CCDC85C: variants seen among roughly 807,000 people sequenced by gnomAD.
The protein encoded by CCDC85C is coiled-coil domain-containing protein 85C.
CCDC85C carries 18 observed loss-of-function variants against 38.3 expected under a neutral mutation model. The observed-to-expected ratio is 0.47, with a 90% CI of 0.33 to 0.70. The LOEUF (loss-of-function observed/expected upper bound fraction) is 0.70, where lower values mean the gene tolerates loss of function less well. Among genes scored for constraint, CCDC85C ranks in the 30% least tolerant of loss-of-function variants. CCDC85C has a pLI of 0.03. For synonymous variants in CCDC85C, 264 were observed against 293.8 expected, an observed-to-expected ratio of 0.90 and a Z score of 1.04; for missense variants, 566 against 621.2, an observed-to-expected ratio of 0.91 and a Z score of 0.94.
intron 1 of CCDC85C, among the ~76,000 whole-genome samples, chr14:99,602,245 G>A (rs1463266567): frequency 2.0e-5 from 3 of 152,178 alleles, no homozygotes; most frequent in Non-Finnish European, 4.4e-5. Context: ...GGCTGGGAGA[G>A]GGAGCAGGCT....
At chr14:99,587,233 C>T (rs1049200639) in intron 1 of CCDC85C, among the ~76,000 whole-genome samples, 10 of 152,346 alleles carry the variant, frequency 6.6e-5, no homozygotes, top group East Asian at 3.9e-4. Flanking sequence ...GCCCCTGCCT[C>T]GGGAGAATCC....
chr14:99,537,842 G>A (rs970582428), intron 1 of CCDC85C, among the ~76,000 whole-genome samples: 9 of 152,182 alleles, frequency 5.9e-5, no homozygotes, highest in Admixed American at 1.3e-4. Flanking sequence ...ATGGGAAGAG[G>A]CCTCAGCATT....
chr14:99,509,671 CG>C lies in CCDC85C; in HGVS notation c.*5574del, dbSNP rs2139885815. ...TGAATTGCTGCTTCGATGGGTACAC[CG>C]GGAATGTCAGAGACTTGTACAGAAT... On this transcript the variant is annotated 3_prime_UTR_variant, in exon 6 of 6. Coordinates refer to ENST00000380243, the MANE Select transcript of CCDC85C (RefSeq NM_001144995.2). 1 of 171,626 alleles carries C rather than the reference CG, an allele frequency of 5.8e-6. No homozygotes were observed. Among genetic ancestry groups the C allele is most frequent in the African/African-American group, 2.4e-5 (1 of 41,638 alleles). 10.6% of individuals were successfully genotyped at this position (171,626 alleles called of 1,614,324 possible). A position where few individuals can be genotyped will look rare whatever the true frequency, so the allele number is the denominator to read the frequency against.
chr14:99,529,009 GA>G (rs982447254), intron 2 of CCDC85C, among the ~76,000 whole-genome samples: 1 of 150,992 alleles, frequency 6.6e-6, no homozygotes, highest in Non-Finnish European at 1.5e-5. Flanking sequence ...AGTTGATAGG[GA>G]AAAAAAAGGA....
intron 1 of CCDC85C, among the ~76,000 whole-genome samples, chr14:99,580,319 C>T (rs535008175): frequency 1.8e-3 from 268 of 151,724 alleles, no homozygotes; most frequent in African/African-American, 6.3e-3. Flanking sequence ...TTAACACAGC[C>T]CAGCCCAGAC....
chr14:99,515,664 T>A (rs1035362032), intron 5 of CCDC85C, among the ~76,000 whole-genome samples: 2 of 152,186 alleles, frequency 1.3e-5, no homozygotes, highest in African/African-American at 4.8e-5. Context: ...TCAGACCCTA[T>A]GAAACTCCTT....
rs1897198972 is a variant in CCDC85C, at chr14:99,515,029, CGTCTTCCCAGGTTGCT to C, written c.*201_*216del. The C allele has an allele frequency of 1.9e-6, 1 of 515,822 alleles. No individual in the cohort carries two copies. The highest frequency in any genetic ancestry group is 3.5e-6 in the Non-Finnish European group (1 of 285,116). The allele number at this position is 515,822 out of a possible 1,614,324, so 32.0% of individuals were successfully genotyped here. A position where few individuals can be genotyped will look rare whatever the true frequency, so the allele number is the denominator to read the frequency against. ...TGCTGCAGGAACAGTCGCAGCGTCT[CGTCTTCCCAGGTTGCT>C]GGTGTATGAGGCGGGAGATGGCGGC... On this transcript the variant is annotated 3_prime_UTR_variant, in exon 6 of 6. Transcript: ENST00000380243.
In CCDC85C at chr14:99,544,295, C is replaced by CG; in HGVS notation, c.794-8208dup. 6.6e-6 allele frequency among the ~76,000 whole-genome samples: 1 copy of CG among 152,244 alleles called. No individual in the cohort carries two copies. Among genetic ancestry groups the CG allele is most frequent in the South Asian group, 2.1e-4 (1 of 4,822 alleles). On this transcript the variant is annotated intron_variant, in intron 1 of 5. Transcript: ENST00000380243. This position sits in a 1 kb window ranked among gnomAD's most constrained non-coding sequence, Gnocchi z 5.3. ...TAACTCGCAGCTTCCACACCAACCC[C>CG]GGGGTTCTGGCGCACTGACCCTGGG...
At chr14:99,561,289 C>T (rs1228485721) in intron 1 of CCDC85C, among the ~76,000 whole-genome samples, 2 of 152,218 alleles carry the variant, frequency 1.3e-5, no homozygotes, top group African/African-American at 4.8e-5. Flanking sequence ...TCCAGGAACA[C>T]AGGCCTTAGG....
intron 1 of CCDC85C, among the ~76,000 whole-genome samples, chr14:99,546,981 C>A (rs1166970952): frequency 6.6e-6 from 1 of 152,092 alleles, no homozygotes; most frequent in Non-Finnish European, 1.5e-5. Flanking sequence ...CCAGCCTGAG[C>A]AACATAGCGA....
chr14:99,533,064 G>A lies in CCDC85C; in HGVS notation c.867+2951C>T, dbSNP rs905816964. 1.3e-5 allele frequency among the ~76,000 whole-genome samples: 2 copies of A among 152,190 alleles called. No individual in the cohort carries two copies. The highest frequency in any genetic ancestry group is 2.9e-5 in the Non-Finnish European group (2 of 68,038). On this transcript the variant is annotated intron_variant, in intron 2 of 5. Transcript: ENST00000380243. The surrounding 1 kb of genome is among the most constrained non-coding windows in gnomAD (Gnocchi z 4.2). ...CCCAAAGTGCTGGGGTTACAGGTGT[G>A]AGCCACCACACCCAGCCGTGGCTCC...
rs1419812250 is a variant in CCDC85C, at chr14:99,576,059, C to T, written c.793+27108G>A. Among the ~76,000 whole-genome samples the T allele has an allele frequency of 6.6e-6, 1 of 152,242 alleles. No homozygotes were observed. Among genetic ancestry groups the T allele is most frequent in the Non-Finnish European group, 1.5e-5 (1 of 68,042 alleles). On this transcript the variant is annotated intron_variant, in intron 1 of 5. Coordinates refer to ENST00000380243, the MANE Select transcript of CCDC85C (RefSeq NM_001144995.2). The surrounding 1 kb of genome is among the most constrained non-coding windows in gnomAD (Gnocchi z 4.8). Reference sequence around the variant, plus strand: ...ACCACCCCACTCCTCCAAACCTCACCGATCTGTGCCCGTCTAATGAGGGTG... The same window carrying T: ...ACCACCCCACTCCTCCAAACCTCACTGATCTGTGCCCGTCTAATGAGGGTG...
intron 2 of CCDC85C, among the ~76,000 whole-genome samples, chr14:99,527,218 T>C (rs8007777): frequency 0.74 from 112,224 of 152,130 alleles, 41,543 homozygotes; most frequent in African/African-American, 0.81. Flanking sequence ...CACTGTGTAA[T>C]GACGTTGTTG....
At chr14:99,589,990 T>A (rs1229917613) in intron 1 of CCDC85C, among the ~76,000 whole-genome samples, 1 of 152,208 alleles carries the variant, frequency 6.6e-6, no homozygotes, top group African/African-American at 2.4e-5. Context: ...GAGGTTGGGT[T>A]GCACCAAACA....
chr14:99,573,061 G>A (rs142270854), intron 1 of CCDC85C: 70 of 328,698 alleles, frequency 2.1e-4, no homozygotes, highest in African/African-American at 1.2e-3. Context: ...AAAATGAGAG[G>A]GGACAAGTGA....
At chr14:99,528,619 GC>G (rs1897434519) in intron 2 of CCDC85C, among the ~76,000 whole-genome samples, 1 of 152,200 alleles carries the variant, frequency 6.6e-6, no homozygotes, top group Non-Finnish European at 1.5e-5. Context: ...GGGATGGGGT[GC>G]CCCGGCCTAG....
intron 1 of CCDC85C, among the ~76,000 whole-genome samples, chr14:99,587,907 A>G (rs2055044342): frequency 6.6e-6 from 1 of 152,114 alleles, no homozygotes; most frequent in Non-Finnish European, 1.5e-5. Flanking sequence ...CTGCCATACA[A>G]ATAACAGAGC....
chr14:99,546,460 G>C (rs966624090), intron 1 of CCDC85C, among the ~76,000 whole-genome samples: 3 of 152,112 alleles, frequency 2.0e-5, no homozygotes, highest in Non-Finnish European at 4.4e-5. Flanking sequence ...TCTGCGGTGA[G>C]AGCAGTGGTG....
At chr14:99,574,626 T>A (rs1461424622) in intron 1 of CCDC85C, among the ~76,000 whole-genome samples, 3 of 151,914 alleles carry the variant, frequency 2.0e-5, no homozygotes, top group Non-Finnish European at 4.4e-5. Context: ...TGCAGGGAGA[T>A]AAGGGGAGAG....
Sources: gnomAD v4.1 joint callset for allele counts (sites outside exome capture counted in the v4.1 genomes callset) on GRCh38, gnomAD v4.1.1 for gene constraint, Gnocchi (gnomAD v3.1) non-coding constraint, MANE v1.5 for transcripts, NCBI Gene and HGNC (gene_info 2026-07-23, HGNC 2026-07-21) for gene names.